Variants in TCF4 observed in about 807,000 individuals in gnomAD.
The protein encoded by TCF4 is SL3-3 enhancer factor 2.
In TCF4, 3 loss-of-function variants were observed where a neutral mutation model predicts 82.1. The observed-to-expected ratio is 0.04, with a 90% CI of 0.02 to 0.09. TCF4 has a LOEUF of 0.09. Ranked by LOEUF, TCF4 falls within the 10% of genes least tolerant of loss-of-function variation. The pLI, the probability that TCF4 is intolerant of heterozygous loss-of-function variation, is 1.00. For synonymous variants in TCF4, 276 were observed against 309.6 expected (o/e 0.89, Z 1.14); for missense variants, 518 against 852.7 (o/e 0.61, Z 4.89).
intron 6 of TCF4, among the ~76,000 whole-genome samples, chr18:55,370,801 G>A (rs1273851850): frequency 1.3e-5 from 2 of 152,176 alleles, no homozygotes; most frequent in African/African-American, 2.4e-5. Context: ...GTGAGGCCAC[G>A]AAAATATTAA....
chr18:55,264,051 A>G (rs1396750759), intron 11 of TCF4, among the ~76,000 whole-genome samples: 1 of 152,166 alleles, frequency 6.6e-6, no homozygotes, highest in African/African-American at 2.4e-5. Context: ...ACCAATACAA[A>G]TATTTTAGGA....
intron 15 of TCF4, among the ~76,000 whole-genome samples, chr18:55,247,273 C>T (rs889828742): frequency 6.6e-6 from 1 of 152,194 alleles, no homozygotes; most frequent in African/African-American, 2.4e-5. Flanking sequence ...GCATTAGTCA[C>T]ACCCATCACA....
rs770304060 is a variant in TCF4 at position 55,518,603 on chromosome 18, A to C, written c.146-54466T>G. Among the ~76,000 whole-genome samples the C allele has an allele frequency of 8.7e-4, 133 of 152,322 alleles. 3 individuals carry two copies. The highest frequency in any genetic ancestry group is 2.1e-4 in the South Asian group (1 of 4,832). ...AAGAATGTTTTAATTGCTTTTGATCATCCAACAAAAATTTTTTTAACCGTG... is the reference window on the plus strand; with the variant it reads ...AAGAATGTTTTAATTGCTTTTGATCCTCCAACAAAAATTTTTTTAACCGTG... On this transcript the variant is annotated intron_variant, in intron 3 of 19. Transcript: ENST00000354452.
chr18:55,267,061 G>T (rs1172388133), intron 11 of TCF4: 1 of 152,164 alleles, frequency 6.6e-6, no homozygotes, highest in East Asian at 1.9e-4. Context: ...TGAAAAGACT[G>T]CACTGTCTTG....
At chr18:55,545,271 T>G (rs552673921) in intron 3 of TCF4, among the ~76,000 whole-genome samples, 1 of 152,304 alleles carries the variant, frequency 6.6e-6, no homozygotes, top group African/African-American at 2.4e-5. Context: ...TATGCATACA[T>G]AAAATTCTCC....
intron 8 of TCF4, among the ~76,000 whole-genome samples, chr18:55,303,418 G>C (rs189954133): frequency 1.3e-5 from 2 of 152,070 alleles, no homozygotes; most frequent in Non-Finnish European, 2.9e-5. Flanking sequence ...TTTTGCCTTC[G>C]TGTCCCTACT....
intron 3 of TCF4, among the ~76,000 whole-genome samples, chr18:55,569,389 T>C (rs1232616073): frequency 6.6e-6 from 1 of 151,778 alleles, no homozygotes; most frequent in African/African-American, 2.4e-5. Context: ...TATACAAAAA[T>C]CAATTGAATG....
At chr18:55,409,902 T>C (rs2094272437) in intron 5 of TCF4, among the ~76,000 whole-genome samples, 1 of 152,178 alleles carries the variant, frequency 6.6e-6, no homozygotes, top group African/African-American at 2.4e-5. Flanking sequence ...ACATTATTCT[T>C]TCAATTTCCA....
In TCF4 at chr18:55,362,339, G is replaced by GAGGAAGGACGGA. The variant is rs1555942407; in HGVS notation, c.370-11337_370-11336insTCCGTCCTTCCT. Among the ~76,000 whole-genome samples, 4 of 68,564 alleles carry GAGGAAGGACGGA rather than the reference G, an allele frequency of 5.8e-5. No individual in the cohort carries two copies. The East Asian group carries it at 2.0e-3, about 34-fold the overall frequency. 45.0% of individuals were successfully genotyped at this position (68,564 alleles called of 152,430 possible). A position where few individuals can be genotyped will look rare whatever the true frequency, so the allele number is the denominator to read the frequency against. On this transcript the variant is annotated intron_variant, in intron 6 of 19. Coordinates refer to ENST00000354452, the MANE Select transcript of TCF4 (RefSeq NM_001083962.2). ...TCCAAAAACAAAAACAAAAAAAAAA[G>GAGGAAGGACGGA]AGGAAGGAAGGAAGGAAGGAAGGAA...
intron 6 of TCF4, among the ~76,000 whole-genome samples, chr18:55,400,046 TTTTGA>T (rs1423089205): frequency 6.6e-6 from 1 of 152,118 alleles, no homozygotes; most frequent in African/African-American, 2.4e-5. Flanking sequence ...CAAGTATTTG[TTTTGA>T]TATCATCATC....
At chr18:55,635,790 C>T in exon 1 of TCF4, 1 of 1,551,588 alleles carries the variant, frequency 6.4e-7, no homozygotes. Context: ...AAAATGATGG[C>T]TGGCTTTCAA....
intron 3 of TCF4, among the ~76,000 whole-genome samples, chr18:55,500,944 G>A (rs2146024773): frequency 6.6e-6 from 1 of 152,006 alleles, no homozygotes; most frequent in African/African-American, 2.4e-5. Flanking sequence ...AAGTGATAAA[G>A]AAACAGAAAA....
chr18:55,409,412 T>C (rs2094244303), intron 5 of TCF4, among the ~76,000 whole-genome samples: 1 of 152,124 alleles, frequency 6.6e-6, no homozygotes, highest in South Asian at 2.1e-4. Context: ...CTCACTATGT[T>C]ACCCAAGGTG....
intron 3 of TCF4, among the ~76,000 whole-genome samples, chr18:55,506,675 T>C (rs879140674): frequency 6.6e-6 from 1 of 152,110 alleles, no homozygotes; most frequent in Admixed American, 6.5e-5. Flanking sequence ...GGTTTTAAGA[T>C]CTCCAGCAGA....
chr18:55,375,486 G>T (rs768463544), intron 6 of TCF4, among the ~76,000 whole-genome samples: 1 of 152,014 alleles, frequency 6.6e-6, no homozygotes, highest in Non-Finnish European at 1.5e-5. Context: ...AACAAAATGC[G>T]AAGCTGACCT....
At chr18:55,308,059 C>T (rs1031967992) in intron 8 of TCF4, among the ~76,000 whole-genome samples, 1 of 152,180 alleles carries the variant, frequency 6.6e-6, no homozygotes, top group Non-Finnish European at 1.5e-5. Context: ...ACTACCAACG[C>T]TAACTGGGCA....
intron 3 of TCF4, chr18:55,482,268 C>G (rs1015291548): frequency 6.6e-6 from 1 of 152,160 alleles, no homozygotes; most frequent in Non-Finnish European, 1.5e-5. Context: ...TATAAAAGAG[C>G]AAAATTCCTG....
intron 2 of TCF4, among the ~76,000 whole-genome samples, chr18:55,609,178 G>A (rs544674774): frequency 9.9e-5 from 15 of 152,254 alleles, no homozygotes; most frequent in East Asian, 1.9e-4. Flanking sequence ...GATGTTTGTC[G>A]TTTAAGCCAA....
chr18:55,418,528 T>C (rs1191938123), intron 5 of TCF4, among the ~76,000 whole-genome samples: 1 of 152,212 alleles, frequency 6.6e-6, no homozygotes, highest in African/African-American at 2.4e-5. Flanking sequence ...ACTCCTTATA[T>C]TTCATTAAGT....
Sources: allele counts gnomAD v4.1 joint callset (sites outside exome capture counted in the v4.1 genomes callset), GRCh38; gene constraint gnomAD v4.1.1; transcripts MANE v1.5; gene names NCBI Gene and HGNC (gene_info 2026-07-23, HGNC 2026-07-21).